UNC13C: variants seen among roughly 807,000 people sequenced by gnomAD.
UNC13C encodes the protein unc-13 homolog C.
UNC13C carries 174 observed loss-of-function variants against 245.4 expected under a neutral mutation model. The observed-to-expected ratio is 0.71, with a 90% CI of 0.63 to 0.80. The LOEUF is 0.80. Ranked by LOEUF, UNC13C falls within the 30% of genes least tolerant of loss-of-function variation. UNC13C has a pLI of 0.00. For synonymous variants in UNC13C, 992 were observed against 895.1 expected (o/e 1.11, Z -1.93); for missense variants, 2,829 against 2,602.9 (o/e 1.09, Z -1.89).
At chr15:54,625,214 C>A (rs74758619) in intron 32 of UNC13C, among the ~76,000 whole-genome samples, 1 of 152,152 alleles carries the variant, frequency 6.6e-6, no homozygotes, top group African/African-American at 2.4e-5. Context: ...TGACCTCACT[C>A]TCCTCACTGC....
the UNC13C span, among the ~76,000 whole-genome samples, chr15:53,872,174 T>C: frequency 6.6e-6 from 1 of 152,174 alleles, no homozygotes; most frequent in Non-Finnish European, 1.5e-5. Context: ...GATTCCACCA[T>C]ATGCCCCAGC....
At chr15:54,414,012 C>A (rs2040468317) in intron 18 of UNC13C, among the ~76,000 whole-genome samples, 1 of 152,040 alleles carries the variant, frequency 6.6e-6, no homozygotes, top group African/African-American at 2.4e-5. Flanking sequence ...TTATTAAGAG[C>A]CTTATCATGA....
the UNC13C span, among the ~76,000 whole-genome samples, chr15:53,896,291 TTAAG>T: frequency 6.6e-6 from 1 of 152,154 alleles, no homozygotes; most frequent in Non-Finnish European, 1.5e-5. Flanking sequence ...CCAAATACAA[TTAAG>T]TGACAGTAAG....
intron 2 of UNC13C, among the ~76,000 whole-genome samples, chr15:54,076,533 GA>G (rs1898637402): frequency 6.6e-6 from 1 of 151,964 alleles, no homozygotes; most frequent in Non-Finnish European, 1.5e-5. Flanking sequence ...ATAAATGTGG[GA>G]AACATTCAGG....
At chr15:54,399,369 G>A (rs185992925) in intron 18 of UNC13C, among the ~76,000 whole-genome samples, 1 of 151,750 alleles carries the variant, frequency 6.6e-6, no homozygotes, top group African/African-American at 2.4e-5. Flanking sequence ...TGCTATATGT[G>A]CCTAAAAGTA....
At chr15:54,449,129 T>G (rs1358580591) in intron 19 of UNC13C, among the ~76,000 whole-genome samples, 17 of 152,250 alleles carry the variant, frequency 1.1e-4, no homozygotes, top group Admixed American at 1.1e-3. Flanking sequence ...TTGTGGAGTT[T>G]CTGCCGAGAG....
intron 2 of UNC13C, among the ~76,000 whole-genome samples, chr15:54,141,930 G>C (rs972347023): frequency 2.6e-5 from 4 of 152,058 alleles, no homozygotes; most frequent in African/African-American, 9.7e-5. Context: ...ATCTGTAAGG[G>C]TCATCATTGA....
chr15:54,074,908 C>T (rs1424254866), intron 2 of UNC13C, among the ~76,000 whole-genome samples: 2 of 113,194 alleles, frequency 1.8e-5, no homozygotes, highest in Non-Finnish European at 4.6e-5. Context: ...ACTTCCAATA[C>T]TATGTTGAAT....
the UNC13C span, among the ~76,000 whole-genome samples, chr15:53,917,711 T>C: frequency 1.3e-5 from 2 of 152,284 alleles, no homozygotes; most frequent in East Asian, 3.9e-4. Context: ...TGTCATACTT[T>C]CCCTAGAAAG....
chr15:54,176,543 A>G (rs984289767), intron 4 of UNC13C, among the ~76,000 whole-genome samples: 1 of 152,118 alleles, frequency 6.6e-6, no homozygotes, highest in Non-Finnish European at 1.5e-5. Flanking sequence ...TGAAGTAGAA[A>G]CAATGTTGAA....
intron 2 of UNC13C, among the ~76,000 whole-genome samples, chr15:54,075,649 T>C (rs1566993651): frequency 6.6e-6 from 1 of 151,844 alleles, no homozygotes. Flanking sequence ...CTTCTTGAGC[T>C]TTCCATAAGT....
At chr15:54,598,677 A>G (rs1899232409) in intron 30 of UNC13C, among the ~76,000 whole-genome samples, 1 of 150,678 alleles carries the variant, frequency 6.6e-6, no homozygotes, top group Admixed American at 6.6e-5. Context: ...TAATTTGATG[A>G]TATAACTTTT....
At chr15:54,347,019 C>T (rs1043674289) in intron 17 of UNC13C, among the ~76,000 whole-genome samples, 2 of 152,048 alleles carry the variant, frequency 1.3e-5, no homozygotes, top group African/African-American at 4.8e-5. Context: ...AACCTGTAAT[C>T]CGAAGGTTAT....
chr15:54,081,166 A>G (rs565801788), intron 2 of UNC13C, among the ~76,000 whole-genome samples: 31 of 152,216 alleles, frequency 2.0e-4, no homozygotes, highest in Non-Finnish European at 4.4e-4. Flanking sequence ...GTGGTCTGAT[A>G]ATATGCTTGA....
the UNC13C span, among the ~76,000 whole-genome samples, chr15:53,848,079 G>A: frequency 6.7e-5 from 9 of 134,988 alleles, no homozygotes; most frequent in South Asian, 5.0e-4. Flanking sequence ...TTCGGACATC[G>A]GTGATTTATT....
At chr15:54,225,617 A>G (rs1433730916) in intron 4 of UNC13C, among the ~76,000 whole-genome samples, 1 of 152,008 alleles carries the variant, frequency 6.6e-6, no homozygotes, top group Non-Finnish European at 1.5e-5. Flanking sequence ...CTTGTCTGTC[A>G]TTGGTGTAAA....
chr15:53,909,935 C>A, the UNC13C span, among the ~76,000 whole-genome samples: 1 of 144,220 alleles, frequency 6.9e-6, no homozygotes, highest in African/African-American at 2.5e-5. Flanking sequence ...AAGTAGGCTT[C>A]TTGGATAGTT....
intron 17 of UNC13C, among the ~76,000 whole-genome samples, chr15:54,339,595 A>G (rs577645675): frequency 1.4e-4 from 21 of 151,834 alleles, no homozygotes. Context: ...AATGCCATTA[A>G]TTCATTCCTT....
At chr15:54,189,127 T>C (rs1338435223) in intron 4 of UNC13C, among the ~76,000 whole-genome samples, 2 of 152,196 alleles carry the variant, frequency 1.3e-5, no homozygotes, top group Non-Finnish European at 2.9e-5. Flanking sequence ...TTGCCTATTA[T>C]GAGTACTAGA....
Sources: gnomAD v4.1 joint callset for allele counts (sites outside exome capture counted in the v4.1 genomes callset) on GRCh38, gnomAD v4.1.1 for gene constraint, MANE v1.5 for transcripts, NCBI Gene and HGNC (gene_info 2026-07-23, HGNC 2026-07-21) for gene names.